Variants in SUCLA2 observed in about 807,000 individuals in gnomAD.
SUCLA2 encodes the protein succinate-CoA ligase ADP-forming subunit beta.
In SUCLA2, 30 loss-of-function variants were observed where a neutral mutation model predicts 54.8. The ratio of observed to expected loss-of-function variants is 0.55; its 90% CI spans 0.41 to 0.74. The LOEUF is 0.74. Among genes scored for constraint, SUCLA2 ranks in the 30% least tolerant of loss-of-function variants. The probability of loss-of-function intolerance (pLI) is 0.00; values close to 1 mark genes in which losing one functional copy is unlikely to be tolerated. For synonymous variants in SUCLA2, 172 were observed against 188.9 expected, an observed-to-expected ratio of 0.91 and a Z score of 0.74; for missense variants, 476 against 562.9, an observed-to-expected ratio of 0.85 and a Z score of 1.56.
Position 47,988,677 on chromosome 13 carries a change from G to A in SUCLA2, c.398C>T (p.Ser133Leu), listed in dbSNP as rs1430676159. ...FSPEEAKAVS[S>L]QMIGKKLFTK... Reference sequence around the variant, plus strand: ...AAACAATTTTTTCCCAATCATTTGTGAAGAAACAGCTTTTGCTTCTTCTGG... The same window carrying A: ...AAACAATTTTTTCCCAATCATTTGTAAAGAAACAGCTTTTGCTTCTTCTGG... Residue 133 changes from serine to leucine, a missense_variant, in exon 4 of 11, where the codon TCA becomes TTA. Coordinates refer to ENST00000646932, the MANE Select transcript of SUCLA2 (RefSeq NM_003850.3). 1.1e-5 allele frequency: 17 copies of A among 1,613,644 alleles called. No individual in the cohort carries two copies. Among genetic ancestry groups the A allele is most frequent in the Admixed American group, 8.3e-5 (5 of 59,982 alleles).
chr13:47,961,236 A>G (rs535720835), intron 6 of SUCLA2, among the ~76,000 whole-genome samples: 57 of 152,350 alleles, frequency 3.7e-4, no homozygotes, highest in Admixed American at 9.8e-4. Flanking sequence ...ATTAAGAGAT[A>G]AAAGATTTTG....
rs772693481 is a variant in SUCLA2 at position 48,001,240 on chromosome 13, T to C, written c.30A>G (p.Leu10=). 5.0e-6 allele frequency: 8 copies of C among 1,604,084 alleles called. No homozygotes were observed. Among genetic ancestry groups the C allele is most frequent in the South Asian group, 2.2e-5 (2 of 89,660 alleles). The change falls in exon 1 of 11, where the codon CTA becomes CTG. Residue 10 remains leucine, a synonymous_variant. Transcript: ENST00000646932. ...GGTTCCGAAGGGTGGCCACGGCCAC[T>C]AGCCTGCCGTAGAACATGGAGGCCG... MAASMFYGR[L]VAVATLRNHR...
In SUCLA2 at chr13:47,954,653, A is replaced by G. The variant is rs1949804745; in HGVS notation, c.803-96T>C. On this transcript the variant is annotated intron_variant, in intron 6 of 10. Coordinates refer to ENST00000646932, the MANE Select transcript of SUCLA2 (RefSeq NM_003850.3). ...GGTCTTTCATTTAGGGAAAAGACAC[A>G]TTTTAATTTTGTTACTTAATGAAAA... is the stretch of plus-strand genomic sequence containing the variant. The G allele has an allele frequency of 3.9e-6, 5 of 1,279,644 alleles. No individual in the cohort carries two copies. In the East Asian group the frequency reaches 1.2e-4, roughly 30 times the overall value. 79.3% of individuals were successfully genotyped at this position (1,279,644 alleles called of 1,614,324 possible).
At chr13:47,951,409 G>A (rs1315014053) in intron 8 of SUCLA2, among the ~76,000 whole-genome samples, 1 of 140,388 alleles carries the variant, frequency 7.1e-6, no homozygotes, top group Non-Finnish European at 1.5e-5. Flanking sequence ...CTTCACTATA[G>A]AGCCTGGGAC....
At chr13:47,990,426 T>C (rs1468016627) in intron 2 of SUCLA2, among the ~76,000 whole-genome samples, 2 of 151,992 alleles carry the variant, frequency 1.3e-5, no homozygotes, top group South Asian at 2.1e-4. Context: ...TAACAAAATA[T>C]AACATGTACC....
Position 47,943,108 on chromosome 13 carries a change from T to C in SUCLA2, c.*263A>G. On this transcript the variant is annotated 3_prime_UTR_variant, in exon 11 of 11. Coordinates refer to ENST00000646932, the MANE Select transcript of SUCLA2 (RefSeq NM_003850.3). ...TATCCAACAATAATAAACTGGCAAA[T>C]TGCAAGTTACGTTTTGTAGGAGAAG... The C allele has an allele frequency of 2.3e-6, 1 of 439,454 alleles. No homozygotes were observed. 27.2% of individuals were successfully genotyped at this position (439,454 alleles called of 1,614,324 possible).
intron 4 of SUCLA2, among the ~76,000 whole-genome samples, chr13:47,984,496 C>G (rs1203633314): frequency 2.0e-5 from 3 of 152,180 alleles, no homozygotes; most frequent in African/African-American, 4.8e-5. Flanking sequence ...GCCACCACGC[C>G]CAGCCCTACT....
intron 5 of SUCLA2, chr13:47,971,839 G>A (rs539865028): frequency 1.3e-5 from 5 of 398,388 alleles, no homozygotes; most frequent in Non-Finnish European, 1.3e-5. Context: ...TCCAGACTAC[G>A]AAAAACAATG....
At chr13:47,994,975 G>C (rs897607608) in intron 2 of SUCLA2, 1 of 486,042 alleles carries the variant, frequency 2.1e-6, no homozygotes, top group South Asian at 8.9e-5. Context: ...TTATGAAAAA[G>C]TTTCTATGCA....
chr13:47,995,656 C>T (rs1212440113), intron 2 of SUCLA2, among the ~76,000 whole-genome samples: 1 of 151,862 alleles, frequency 6.6e-6, no homozygotes, highest in African/African-American at 2.4e-5. Flanking sequence ...AAGTATTCAC[C>T]AAATCATATT....
intron 1 of SUCLA2, among the ~76,000 whole-genome samples, chr13:48,000,645 C>T (rs1428478993): frequency 6.6e-6 from 1 of 152,206 alleles, no homozygotes; most frequent in African/African-American, 2.4e-5. Context: ...AATCTTATTA[C>T]TGCTATTAAC....
rs570457775 is a variant in SUCLA2 at position 47,995,789 on chromosome 13, G to A, written c.271+1054C>T. On this transcript the variant is annotated intron_variant, in intron 2 of 10. Transcript: ENST00000646932. ...TGTATAGCTAGTACATCAGCTCATG[G>A]TTTTCATGCTAAATCTTTAAAAATG... Among the ~76,000 whole-genome samples the A allele has an allele frequency of 3.9e-5, 6 of 152,222 alleles. No homozygotes were observed. The East Asian group carries it at 9.6e-4, about 24-fold the overall frequency.
intron 6 of SUCLA2, chr13:47,965,494 T>TAAAAAAAAAAAAA (rs35331016): frequency 1.6e-5 from 5 of 311,160 alleles, no homozygotes; most frequent in African/African-American, 1.1e-4. Context: ...ACCCCTTCTT[T>TAAAAAAAAAAAAA]AAAAAAAAAA....
At chr13:47,962,488 T>A (rs1949878216) in intron 6 of SUCLA2, among the ~76,000 whole-genome samples, 1 of 152,198 alleles carries the variant, frequency 6.6e-6, no homozygotes. Context: ...GTGTGGGTAA[T>A]CAGGCCAAGT....
chr13:47,982,284 G>T (rs992345151), intron 4 of SUCLA2, among the ~76,000 whole-genome samples: 1 of 152,120 alleles, frequency 6.6e-6, no homozygotes. Context: ...AGGAAACTTT[G>T]TCATATGCTA....
intron 10 of SUCLA2, among the ~76,000 whole-genome samples, chr13:47,945,064 A>C (rs899944045): frequency 7.2e-5 from 11 of 151,836 alleles, no homozygotes; most frequent in South Asian, 2.1e-4. Context: ...AGCCTGACCA[A>C]CATGGTGAAA....
In SUCLA2 at chr13:47,943,103, G is replaced by T; in HGVS notation, c.*268C>A. ...CTTTGTATCCAACAATAATAAACTGGCAAATTGCAAGTTACGTTTTGTAGG... is the reference window on the plus strand; with the variant it reads ...CTTTGTATCCAACAATAATAAACTGTCAAATTGCAAGTTACGTTTTGTAGG... On this transcript the variant is annotated 3_prime_UTR_variant, in exon 11 of 11. Coordinates refer to ENST00000646932, the MANE Select transcript of SUCLA2 (RefSeq NM_003850.3). 1 of 427,404 alleles carries T rather than the reference G, an allele frequency of 2.3e-6. No individual in the cohort carries two copies. Among genetic ancestry groups the T allele is most frequent in the Non-Finnish European group, 4.3e-6 (1 of 233,468 alleles). The allele number at this position is 427,404 out of a possible 1,614,324, so 26.5% of individuals were successfully genotyped here. A position where few individuals can be genotyped will look rare whatever the true frequency, so the allele number is the denominator to read the frequency against.
chr13:47,961,309 G>T (rs1229959592), intron 6 of SUCLA2, among the ~76,000 whole-genome samples: 1 of 152,118 alleles, frequency 6.6e-6, no homozygotes, highest in Non-Finnish European at 1.5e-5. Flanking sequence ...GGTTTAGTTG[G>T]CATGCTATCT....
At chr13:47,983,513 G>A (rs1270275539) in intron 4 of SUCLA2, among the ~76,000 whole-genome samples, 4 of 145,214 alleles carry the variant, frequency 2.8e-5, no homozygotes, top group African/African-American at 1.0e-4. Context: ...TTTTTGAGAC[G>A]GAGTCTCGCT....
Sources: gnomAD v4.1 joint callset for allele counts (sites outside exome capture counted in the v4.1 genomes callset) on GRCh38, gnomAD v4.1.1 for gene constraint, MANE v1.5 for transcripts, NCBI Gene and HGNC (gene_info 2026-07-23, HGNC 2026-07-21) for gene names.